Variants in FOXN3 observed in about 807,000 individuals in gnomAD.
The protein encoded by FOXN3 is forkhead box N3.
Under a neutral mutation model 38.4 loss-of-function variants are expected in FOXN3, and 7 were observed. The observed-to-expected ratio is 0.18, with a 90% CI of 0.10 to 0.34. The LOEUF is 0.34. Ranked by LOEUF, FOXN3 falls within the 10% of genes least tolerant of loss-of-function variation. The pLI is 1.00. For synonymous variants in FOXN3, 230 were observed against 242.2 expected, an observed-to-expected ratio of 0.95 and a Z score of 0.47; for missense variants, 456 against 613.4, an observed-to-expected ratio of 0.74 and a Z score of 2.71.
At chr14:89,211,515 G>C (rs921385350) in intron 4 of FOXN3, among the ~76,000 whole-genome samples, 3 of 152,262 alleles carry the variant, frequency 2.0e-5, no homozygotes, top group East Asian at 3.9e-4. Flanking sequence ...ACTGAAGAAA[G>C]AACAGGAAAC....
chr14:89,196,040 T>C (rs930781035), intron 4 of FOXN3, among the ~76,000 whole-genome samples: 1 of 152,212 alleles, frequency 6.6e-6, no homozygotes, highest in Non-Finnish European at 1.5e-5. Flanking sequence ...GTAACAAATG[T>C]TACTTCTCCT....
At chr14:89,352,181 C>A (rs2140010494) in intron 2 of FOXN3, among the ~76,000 whole-genome samples, 1 of 152,320 alleles carries the variant, frequency 6.6e-6, no homozygotes, top group Middle Eastern at 3.4e-3. Context: ...ACACTCTATG[C>A]TTAAACATCA....
At chr14:89,227,395 A>G (rs1182344748) in intron 4 of FOXN3, among the ~76,000 whole-genome samples, 1 of 152,222 alleles carries the variant, frequency 6.6e-6, no homozygotes, top group Non-Finnish European at 1.5e-5. Context: ...TTAATTCTTC[A>G]TCAATTGGAC....
At chr14:89,488,916 C>G (rs1893510846) in intron 1 of FOXN3, among the ~76,000 whole-genome samples, 1 of 152,110 alleles carries the variant, frequency 6.6e-6, no homozygotes, top group Non-Finnish European at 1.5e-5. Flanking sequence ...GACTTAGTCA[C>G]CAAAACAGTT....
At chr14:89,270,118 T>C (rs1055977913) in intron 4 of FOXN3, among the ~76,000 whole-genome samples, 1 of 152,216 alleles carries the variant, frequency 6.6e-6, no homozygotes, top group Non-Finnish European at 1.5e-5. Context: ...ACTTTCTTTT[T>C]CTGTCACATT....
chr14:89,433,770 C>G (rs547107738), intron 1 of FOXN3, among the ~76,000 whole-genome samples: 1 of 151,564 alleles, frequency 6.6e-6, no homozygotes, highest in East Asian at 2.0e-4. Context: ...TGAGATCACG[C>G]CACTTCACTC....
intron 1 of FOXN3, among the ~76,000 whole-genome samples, chr14:89,447,801 G>T (rs1892533938): frequency 6.9e-6 from 1 of 145,756 alleles, no homozygotes; most frequent in Non-Finnish European, 1.5e-5. Flanking sequence ...GTGGTTTCCT[G>T]ATGCCTTTCT....
In FOXN3 at chr14:89,291,345, A is replaced by C. The variant is rs1886865740; in HGVS notation, c.681-10331T>G. 5 of 566,138 alleles carry C rather than the reference A, an allele frequency of 8.8e-6. No homozygotes were observed. In the Admixed American group the frequency reaches 9.7e-5, roughly 11 times the overall value. The allele number at this position is 566,138 out of a possible 1,614,324, so 35.1% of individuals were successfully genotyped here. ...GTTGTTGGTCATGAGATGCCATCAG[A>C]AGGAAAGCCCTGTAACACCCTTTCT... is the stretch of plus-strand genomic sequence containing the variant. On this transcript the variant is annotated intron_variant, in intron 3 of 5. Coordinates refer to ENST00000557258, the MANE Select transcript of FOXN3 (RefSeq NM_005197.4).
At chr14:89,273,762 C>T (rs1886221618) in intron 4 of FOXN3, among the ~76,000 whole-genome samples, 1 of 152,212 alleles carries the variant, frequency 6.6e-6, no homozygotes, top group Non-Finnish European at 1.5e-5. Flanking sequence ...AGCTAGCTGA[C>T]TCTATTACTG....
intron 1 of FOXN3, among the ~76,000 whole-genome samples, chr14:89,568,478 G>GTCTT (rs1596320324): frequency 1.3e-5 from 2 of 152,262 alleles, no homozygotes; most frequent in East Asian, 3.9e-4. Flanking sequence ...AAGCCCCAGG[G>GTCTT]TCTTTGCACA....
At chr14:89,165,562 GC>G (rs1192332632) in intron 5 of FOXN3, among the ~76,000 whole-genome samples, 2 of 152,154 alleles carry the variant, frequency 1.3e-5, no homozygotes, top group African/African-American at 4.8e-5. Context: ...CAGCCCCTGA[GC>G]TTTGGGGTTT....
chr14:89,205,240 T>C (rs1888350107), intron 4 of FOXN3, among the ~76,000 whole-genome samples: 2 of 151,946 alleles, frequency 1.3e-5, no homozygotes, highest in African/African-American at 4.8e-5. Context: ...CCAAAATTCC[T>C]ATGTTGAAAC....
At chr14:89,363,922 TA>T (rs890755477) in intron 2 of FOXN3, among the ~76,000 whole-genome samples, 1 of 143,030 alleles carries the variant, frequency 7.0e-6, no homozygotes, top group Non-Finnish European at 1.5e-5. Context: ...CCAGCCTGGG[TA>T]ACTGAGCAAG....
chr14:89,391,767 G>A (rs2140077918), intron 2 of FOXN3, among the ~76,000 whole-genome samples: 1 of 152,270 alleles, frequency 6.6e-6, no homozygotes, highest in Non-Finnish European at 1.5e-5. Flanking sequence ...CACTTTGGGA[G>A]GCCGAGGTGG....
chr14:89,227,127 C>T (rs1235687423), intron 4 of FOXN3, among the ~76,000 whole-genome samples: 2 of 152,176 alleles, frequency 1.3e-5, no homozygotes, highest in Non-Finnish European at 2.9e-5. Context: ...CATTCCATTT[C>T]AGGCTTTTTT....
intron 3 of FOXN3, among the ~76,000 whole-genome samples, chr14:89,346,836 ATTTG>A (rs1261065400): frequency 1.3e-5 from 2 of 152,070 alleles, no homozygotes; most frequent in African/African-American, 2.4e-5. Context: ...TCTCTCATTT[ATTTG>A]TTTGTTTATT....
In FOXN3 at chr14:89,401,991, G is replaced by GCA. The variant is rs951415394; in HGVS notation, c.543+9941_543+9942dup. 2.1e-4 allele frequency among the ~76,000 whole-genome samples: 32 copies of GCA among 151,808 alleles called. No homozygotes were observed. In the East Asian group the frequency reaches 3.1e-3, roughly 15 times the overall value. On this transcript the variant is annotated intron_variant, in intron 2 of 5. Coordinates refer to ENST00000557258, the MANE Select transcript of FOXN3 (RefSeq NM_005197.4). ...TTCACAAGGAAAGGTACTCAAACAA[G>GCA]CACACACACACACATACACAAATCA...
intron 1 of FOXN3, among the ~76,000 whole-genome samples, chr14:89,427,472 ATT>A (rs1195606471): frequency 8.3e-4 from 104 of 124,834 alleles, no homozygotes; most frequent in African/African-American, 2.4e-3. Flanking sequence ...CGCCCGGCTG[ATT>A]TTTTTTTTTT....
At chr14:89,426,382 C>T (rs1183307799) in intron 1 of FOXN3, among the ~76,000 whole-genome samples, 3 of 103,694 alleles carry the variant, frequency 2.9e-5, no homozygotes, top group African/African-American at 9.8e-5. Flanking sequence ...CCCACCATCA[C>T]GCCCAGCTAA....
Sources: gnomAD v4.1 joint callset for allele counts (sites outside exome capture counted in the v4.1 genomes callset) on GRCh38, gnomAD v4.1.1 for gene constraint, MANE v1.5 for transcripts, NCBI Gene and HGNC (gene_info 2026-07-23, HGNC 2026-07-21) for gene names.